The following TRNT1 variants were observed in gnomAD, a reference collection of about 807,000 sequenced individuals.
TRNT1 encodes the protein tRNA nucleotidyl transferase 1, also known as CCA tRNA nucleotidyltransferase 1, mitochondrial.
TRNT1 carries 44 observed loss-of-function variants against 45.6 expected under a neutral mutation model. The observed-to-expected ratio is 0.97, with a 90% CI of 0.76 to 1.24. The LOEUF (loss-of-function observed/expected upper bound fraction) is 1.24. Ranked by LOEUF, TRNT1 falls within the 50% of genes most tolerant of loss-of-function variation. The pLI, the probability that TRNT1 is intolerant of heterozygous loss-of-function variation, is 0.00. For missense variants in TRNT1, 633 were observed against 504.4 expected (o/e 1.25, Z -2.44); for synonymous variants, 201 against 171.4 (o/e 1.17, Z -1.35).
At chr3:3,135,367 C>T (rs1024890450) in intron 2 of TRNT1, among the ~76,000 whole-genome samples, 3 of 152,062 alleles carry the variant, frequency 2.0e-5, no homozygotes, top group African/African-American at 7.2e-5. Context: ...AATTTGGGTA[C>T]TGTGTTGTGA....
chr3:3,150,888 C>G (rs1314312189), downstream of TRNT1: 2 of 1,613,722 alleles, frequency 1.2e-6, no homozygotes, highest in Non-Finnish European at 1.7e-6. Context: ...ATTACTTTGT[C>G]TGGACTTATT....
chr3:3,129,398 G>GT (rs763427976), intron 2 of TRNT1: 6 of 514,900 alleles, frequency 1.2e-5, no homozygotes, highest in South Asian at 9.1e-5. Context: ...GGGATTACAG[G>GT]TGTGAGCCAC....
chr3:3,138,207 C>T (rs564870578), intron 3 of TRNT1, among the ~76,000 whole-genome samples: 1 of 152,254 alleles, frequency 6.6e-6, no homozygotes, highest in South Asian at 2.1e-4. Context: ...TTTTAATAAT[C>T]CAAAACCTGA....
At position 3,148,318 on chromosome 3, in the gene TRNT1, C is replaced by CA. The variant is rs1706205692; in HGVS notation, c.*165dup. 1 of 659,102 alleles carries CA rather than the reference C, an allele frequency of 1.5e-6. No homozygotes were observed. Among genetic ancestry groups the CA allele is most frequent in the African/African-American group, 1.8e-5 (1 of 54,766 alleles). 40.8% of individuals were successfully genotyped at this position (659,102 alleles called of 1,614,324 possible). On this transcript the variant is annotated 3_prime_UTR_variant, in exon 8 of 8. Transcript: ENST00000251607. Reference sequence around the variant, plus strand: ...TGAATTATATATTTCAAGAACTAAACAGAGATCCACCTTTCTGGATCTGAT... The same window carrying CA: ...TGAATTATATATTTCAAGAACTAAACAAGAGATCCACCTTTCTGGATCTGAT...
Position 3,148,873 on chromosome 3 carries a change from G to A in TRNT1, c.*719G>A, listed in dbSNP as rs1014585084. 1 of 152,130 alleles carries A rather than the reference G, an allele frequency of 6.6e-6. No individual in the cohort carries two copies. The highest frequency in any genetic ancestry group is 6.5e-5 in the Admixed American group (1 of 15,270). The allele number at this position is 152,130 out of a possible 1,614,324, so 9.4% of individuals were successfully genotyped here. On this transcript the variant is annotated 3_prime_UTR_variant, in exon 8 of 8. Transcript: ENST00000251607. ...AGATAAATATGTTTATGTGGTATCT[G>A]ACAATGTGTATTAGGTGTCATATAC...
intron 5 of TRNT1, among the ~76,000 whole-genome samples, chr3:3,145,772 G>A (rs973452028): frequency 6.6e-6 from 1 of 151,968 alleles, no homozygotes; most frequent in African/African-American, 2.4e-5. Context: ...ATAGAACATA[G>A]ATTAAGACTT....
downstream of TRNT1, chr3:3,153,401 T>C (rs767533718): frequency 2.3e-6 from 3 of 1,310,010 alleles, no homozygotes; most frequent in Admixed American, 1.7e-5. Flanking sequence ...GCAAGTATAT[T>C]AAAAACGTAA....
chr3:3,152,724 C>T (rs1044057363), downstream of TRNT1: 46 of 1,046,772 alleles, frequency 4.4e-5, no homozygotes, highest in Admixed American at 9.4e-4. Context: ...TTATATAATA[C>T]CAGGATCTTA....
chr3:3,129,739 C>G (rs1704881922), intron 2 of TRNT1, among the ~76,000 whole-genome samples: 1 of 152,172 alleles, frequency 6.6e-6, no homozygotes, highest in African/African-American at 2.4e-5. Context: ...AGGACTGGTG[C>G]TACTAACTTA....
intron 3 of TRNT1, 27 bp from the exon 4 acceptor site, chr3:3,140,483 A>C (rs542191184): frequency 1.9e-6 from 3 of 1,603,714 alleles, no homozygotes; most frequent in African/African-American, 2.7e-5. Flanking sequence ...TTAAATGACA[A>C]CAAAAACCCC....
At chr3:3,128,643 A>G (rs1431112163) in intron 1 of TRNT1, among the ~76,000 whole-genome samples, 2 of 148,490 alleles carry the variant, frequency 1.3e-5, no homozygotes, top group Non-Finnish European at 1.5e-5. Flanking sequence ...TTATTTTATC[A>G]TGCTTCAAGG....
chr3:3,140,312 A>C (rs1469789954), intron 3 of TRNT1, among the ~76,000 whole-genome samples, 198 bp from the exon 4 acceptor site: 2 of 152,144 alleles, frequency 1.3e-5, no homozygotes, highest in Admixed American at 6.5e-5. Context: ...TAAAAAAATC[A>C]GTCTTTTGAT....
intron 1 of TRNT1, among the ~76,000 whole-genome samples, chr3:3,128,598 C>CAAAAAAAAA (rs111647168): frequency 3.1e-5 from 3 of 96,082 alleles, no homozygotes; most frequent in African/African-American, 1.5e-4. Flanking sequence ...GACTCCATCT[C>CAAAAAAAAA]AAAAAAAAAA....
At chr3:3,133,750 C>T (rs1382632727) in intron 2 of TRNT1, among the ~76,000 whole-genome samples, 2 of 151,906 alleles carry the variant, frequency 1.3e-5, no homozygotes, top group African/African-American at 4.8e-5. Context: ...AAATATAGCA[C>T]GATAGGGACA....
intron 1 of TRNT1, among the ~76,000 whole-genome samples, chr3:3,128,450 T>C (rs1421620455): frequency 1.3e-5 from 2 of 151,872 alleles, no homozygotes; most frequent in Non-Finnish European, 2.9e-5. Flanking sequence ...GTATAAAAAA[T>C]TAGCCGGATG....
chr3:3,130,309 A>G lies in TRNT1; in HGVS notation c.148+1121A>G. 3 of 226,636 alleles carry G rather than the reference A, an allele frequency of 1.3e-5. No homozygotes were observed. In the South Asian group the frequency reaches 2.2e-4, roughly 16 times the overall value. 14.0% of individuals were successfully genotyped at this position (226,636 alleles called of 1,614,324 possible). A position where few individuals can be genotyped will look rare whatever the true frequency, so the allele number is the denominator to read the frequency against. ...TGGGATGACCATCTATATTTTTAAT[A>G]AAAGCTCCACAAGTTAATTCTGATG... On this transcript the variant is annotated intron_variant, in intron 2 of 7. Coordinates refer to ENST00000251607, the MANE Select transcript of TRNT1 (RefSeq NM_182916.3).
chr3:3,135,930 A>G (rs753836962), intron 2 of TRNT1, among the ~76,000 whole-genome samples: 1 of 152,180 alleles, frequency 6.6e-6, no homozygotes, highest in African/African-American at 2.4e-5. Context: ...ATGACTTCTT[A>G]TAGGAGTTGG....
In TRNT1 at chr3:3,130,312, A is replaced by AGCTC. The variant is rs778634659; in HGVS notation, c.148+1125_148+1128dup. The stretch of plus-strand genomic sequence containing the variant: ...GATGACCATCTATATTTTTAATAAA[A>AGCTC]GCTCCACAAGTTAATTCTGATGCAC... On this transcript the variant is annotated intron_variant, in intron 2 of 7. Coordinates refer to ENST00000251607, the MANE Select transcript of TRNT1 (RefSeq NM_182916.3). 9 of 222,272 alleles carry AGCTC rather than the reference A, an allele frequency of 4.0e-5. 1 individual carries two copies. The highest frequency in any genetic ancestry group is 3.3e-4 in the East Asian group (3 of 8,966). 13.8% of individuals were successfully genotyped at this position (222,272 alleles called of 1,614,324 possible). A position where few individuals can be genotyped will look rare whatever the true frequency, so the allele number is the denominator to read the frequency against.
intron 5 of TRNT1, chr3:3,145,299 T>TC (rs11438534): frequency 0.92 from 140,077 of 152,156 alleles, 65,587 homozygotes; most frequent in East Asian, 1. Context: ...GGTCAGGAGA[T>TC]GAGACCATGC....
Sources: allele counts gnomAD v4.1 joint callset (sites outside exome capture counted in the v4.1 genomes callset), GRCh38; gene constraint gnomAD v4.1.1; transcripts MANE v1.5; gene names NCBI Gene and HGNC (gene_info 2026-07-23, HGNC 2026-07-21).